The following MAP2K5 variants were observed in gnomAD, a reference collection of about 807,000 sequenced individuals.
The protein encoded by MAP2K5 is mitogen-activated protein kinase kinase 5.
In MAP2K5, 49 loss-of-function variants were observed where a neutral mutation model predicts 83.1. The observed-to-expected ratio is 0.59, with a 90% CI of 0.47 to 0.75. The LOEUF (loss-of-function observed/expected upper bound fraction) is 0.75. MAP2K5 is among the 30% of genes least tolerant of loss of function. MAP2K5 has a pLI of 0.00. For missense variants in MAP2K5, 457 were observed against 557.5 expected (o/e 0.82, Z 1.82); for synonymous variants, 202 against 191.8 (o/e 1.05, Z -0.44).
In MAP2K5 at chr15:67,568,734, C is replaced by T. The variant is rs145035591; in HGVS notation, c.252+5384C>T. Among the ~76,000 whole-genome samples the T allele has an allele frequency of 3.0e-3, 457 of 152,120 alleles. 18 individuals are homozygous for T. The East Asian group carries it at 0.078, about 26-fold the overall frequency. On this transcript the variant is annotated intron_variant, in intron 3 of 21. Transcript: ENST00000178640. ...TAAAAAATACTCTGTTGGCTGGGCG[C>T]GGTGGCTCACTCCTGTAATCCCAGC...
intron 6 of MAP2K5, among the ~76,000 whole-genome samples, chr15:67,590,869 G>A (rs2085394432): frequency 1.3e-5 from 2 of 152,142 alleles, no homozygotes; most frequent in Non-Finnish European, 2.9e-5. Context: ...CTTAGCATAT[G>A]CCAAGTCATT....
intron 1 of MAP2K5, among the ~76,000 whole-genome samples, chr15:67,548,102 A>G (rs1225782441): frequency 6.6e-6 from 1 of 152,208 alleles, no homozygotes; most frequent in African/African-American, 2.4e-5. Context: ...TGCCATTGCC[A>G]CTGAGCAGGT....
chr15:67,746,435 G>A lies in MAP2K5; in HGVS notation c.1075-1796G>A, dbSNP rs1182676223. Among the ~76,000 whole-genome samples, 2 of 151,728 alleles carry A rather than the reference G, an allele frequency of 1.3e-5. No individual in the cohort carries two copies. The highest frequency in any genetic ancestry group is 4.8e-5 in the African/African-American group (2 of 41,268). Reference sequence around the variant, plus strand: ...ATATCTTACTAGGAATGTAGGGGTGGGGGGAGTATCAGTGTGTGCTTGAAA... The same window carrying A: ...ATATCTTACTAGGAATGTAGGGGTGAGGGGAGTATCAGTGTGTGCTTGAAA... On this transcript the variant is annotated intron_variant, in intron 17 of 21. Transcript: ENST00000178640. This position sits in a 1 kb window ranked among gnomAD's most constrained non-coding sequence, Gnocchi z 4.1.
At chr15:67,705,435 G>GA (rs1031933899) in intron 16 of MAP2K5, among the ~76,000 whole-genome samples, 69 of 150,540 alleles carry the variant, frequency 4.6e-4, no homozygotes, top group African/African-American at 1.3e-3. Flanking sequence ...TCCCATGGAG[G>GA]AAAAAAAAAG....
rs61493121 is a variant in MAP2K5 at position 67,794,638 on chromosome 15, GA to G, written c.1243-11989del. On this transcript the variant is annotated intron_variant, in intron 21 of 21. Transcript: ENST00000178640. The surrounding 1 kb of genome is among the most constrained non-coding windows in gnomAD (Gnocchi z 4.6). The stretch of plus-strand genomic sequence containing the variant: ...CGGGTAACTCTGGAACATCACAGCT[GA>G]AAAAAAAAAAAAAAAAAAGACGGTA... Among the ~76,000 whole-genome samples, 27,437 of 116,276 alleles carry G rather than the reference GA, an allele frequency of 0.24. 2,813 individuals carry two copies. Among genetic ancestry groups the G allele is most frequent in the East Asian group, 0.27 (1,111 of 4,154 alleles). The allele number at this position is 116,276 out of a possible 152,430, so 76.3% of individuals were successfully genotyped here.
chr15:67,790,067 G>A lies in MAP2K5; in HGVS notation c.1243-16579G>A, dbSNP rs80270090. On this transcript the variant is annotated intron_variant, in intron 21 of 21. Coordinates refer to ENST00000178640, the MANE Select transcript of MAP2K5 (RefSeq NM_145160.3). This position sits in a 1 kb window ranked among gnomAD's most constrained non-coding sequence, Gnocchi z 4.6. ...GCTGGGGGTAAACTACAAGAGAGTC[G>A]TTTTCTTTTCCCTTTGTTTGGTTGT... 0.02 allele frequency among the ~76,000 whole-genome samples: 3,094 copies of A among 152,208 alleles called. 117 individuals carry two copies. Among genetic ancestry groups the A allele is most frequent in the African/African-American group, 0.071 (2,928 of 41,520 alleles).
In MAP2K5 at chr15:67,589,299, C is replaced by T. The variant is rs140275804; in HGVS notation, c.431+2386C>T. On this transcript the variant is annotated intron_variant, in intron 6 of 21. Coordinates refer to ENST00000178640, the MANE Select transcript of MAP2K5 (RefSeq NM_145160.3). ...ACCAGACAAAGTTGATAGCCAGATA[C>T]TAGCATAATGAATGAAACAGTATTT... 7.3e-3 allele frequency among the ~76,000 whole-genome samples: 1,109 copies of T among 152,056 alleles called. 9 individuals carry two copies. Among genetic ancestry groups the T allele is most frequent in the Non-Finnish European group, 0.012 (832 of 67,990 alleles).
chr15:67,737,844 C>CTTTTTTTTTTTTTTTTTTTTTTTTTTTT (rs35988425), intron 17 of MAP2K5, among the ~76,000 whole-genome samples: 1 of 69,296 alleles, frequency 1.4e-5, no homozygotes, highest in Non-Finnish European at 2.5e-5. Context: ...ATAGAATAGT[C>CTTTTTTTTTTTTTTTTTTTTTTTTTTTT]TTTTTTTTTT....
intron 16 of MAP2K5, among the ~76,000 whole-genome samples, chr15:67,713,808 C>T (rs539235819): frequency 6.6e-6 from 1 of 151,770 alleles, no homozygotes; most frequent in South Asian, 2.1e-4. Flanking sequence ...AATTTGATGG[C>T]GAGTTTGTCA....
At position 67,769,839 on chromosome 15, in the gene MAP2K5, T is replaced by G. The variant is rs895704555; in HGVS notation, c.1196+176T>G. On this transcript the variant is annotated intron_variant, in intron 20 of 21. Coordinates refer to ENST00000178640, the MANE Select transcript of MAP2K5 (RefSeq NM_145160.3). This position sits in a 1 kb window ranked among gnomAD's most constrained non-coding sequence, Gnocchi z 5.2. ...GAAATTGTTTAAATTATGTAAACGT[T>G]ATTTACACAAAGGGTCATAAGCATA... is the stretch of plus-strand genomic sequence containing the variant. The G allele has an allele frequency of 6.8e-6, 4 of 588,200 alleles. No individual in the cohort carries two copies. In the African/African-American group the frequency reaches 7.9e-5, roughly 12 times the overall value. The allele number at this position is 588,200 out of a possible 1,614,324, so 36.4% of individuals were successfully genotyped here. A position where few individuals can be genotyped will look rare whatever the true frequency, so the allele number is the denominator to read the frequency against.
intron 8 of MAP2K5, among the ~76,000 whole-genome samples, chr15:67,604,493 G>A (rs2085734831): frequency 6.6e-6 from 1 of 152,144 alleles, no homozygotes; most frequent in African/African-American, 2.4e-5. Context: ...TAAGTGTGAG[G>A]GCTCTAAGTT....
chr15:67,654,450 A>G (rs1171629725), intron 11 of MAP2K5, among the ~76,000 whole-genome samples: 1 of 152,140 alleles, frequency 6.6e-6, no homozygotes, highest in Non-Finnish European at 1.5e-5. Flanking sequence ...TGTAGACAGC[A>G]TATAGTTGGA....
rs146881409 is a variant in MAP2K5, at chr15:67,653,979, A to T, written c.737-4574A>T. Among the ~76,000 whole-genome samples, 24 of 152,262 alleles carry T rather than the reference A, an allele frequency of 1.6e-4. No individual in the cohort carries two copies. In the East Asian group the frequency reaches 4.6e-3, roughly 29 times the overall value. The stretch of plus-strand genomic sequence containing the variant: ...TAGGTATGTGCTGTTTAATTTCCAC[A>T]TATGCGTACTTGAGAAGAATATATT... On this transcript the variant is annotated intron_variant, in intron 11 of 21. Coordinates refer to ENST00000178640, the MANE Select transcript of MAP2K5 (RefSeq NM_145160.3).
intron 13 of MAP2K5, among the ~76,000 whole-genome samples, chr15:67,683,174 T>G (rs1227366053): frequency 6.6e-6 from 1 of 152,156 alleles, no homozygotes; most frequent in African/African-American, 2.4e-5. Context: ...TTGCATGTTT[T>G]AAATGAAACC....
At chr15:67,706,332 A>T (rs754266491) in intron 16 of MAP2K5, among the ~76,000 whole-genome samples, 1 of 152,184 alleles carries the variant, frequency 6.6e-6, no homozygotes, top group African/African-American at 2.4e-5. Flanking sequence ...GGAGGACTGA[A>T]GAAAACAGAC....
At chr15:67,664,555 C>A in intron 12 of MAP2K5, 42 bp from the exon 13 acceptor site, 1 of 1,267,018 alleles carries the variant, frequency 7.9e-7, no homozygotes, top group Admixed American at 2.0e-5. Flanking sequence ...CTTTTAAAAA[C>A]CATAATTGAT....
chr15:67,653,883 T>C (rs1398544959), intron 11 of MAP2K5, among the ~76,000 whole-genome samples: 2 of 152,180 alleles, frequency 1.3e-5, no homozygotes, highest in African/African-American at 4.8e-5. Context: ...TTTATTTTCA[T>C]TAATCTCAAA....
intron 7 of MAP2K5, among the ~76,000 whole-genome samples, chr15:67,599,193 C>A (rs1345328785): frequency 6.6e-6 from 1 of 151,868 alleles, no homozygotes; most frequent in East Asian, 1.9e-4. Context: ...TATTTTTTTT[C>A]TGTATTAGTA....
In MAP2K5 at chr15:67,745,163, C is replaced by T. The variant is rs2089576668; in HGVS notation, c.1075-3068C>T. 2.6e-5 allele frequency among the ~76,000 whole-genome samples: 4 copies of T among 152,280 alleles called. No individual in the cohort carries two copies. In the South Asian group the frequency reaches 6.2e-4, roughly 24 times the overall value. On this transcript the variant is annotated intron_variant, in intron 17 of 21. Coordinates refer to ENST00000178640, the MANE Select transcript of MAP2K5 (RefSeq NM_145160.3). The stretch of plus-strand genomic sequence containing the variant: ...TCATTGTCCCAAAGTACTAGTTAGA[C>T]ATAGAAAACACTCAACACACGCAAA...
Sources: allele counts gnomAD v4.1 joint callset (sites outside exome capture counted in the v4.1 genomes callset), GRCh38; gene constraint gnomAD v4.1.1; non-coding constraint Gnocchi (gnomAD v3.1); transcripts MANE v1.5; gene names NCBI Gene and HGNC (gene_info 2026-07-23, HGNC 2026-07-21).